Variants in RBM6 observed in about 807,000 individuals in gnomAD.
The protein encoded by RBM6 is RNA binding motif protein 6, also known as RNA-binding protein 6.
RBM6 carries 23 observed loss-of-function variants against 140.4 expected under a neutral mutation model. That is an observed-to-expected ratio of 0.16 (90% CI 0.12 to 0.23). The LOEUF (loss-of-function observed/expected upper bound fraction) is 0.23. Among genes scored for constraint, RBM6 ranks in the 10% least tolerant of loss-of-function variants. The pLI is 1.00. For missense variants in RBM6, 1,139 were observed against 1,386.7 expected (o/e 0.82, Z 2.84); for synonymous variants, 439 against 475.6 (o/e 0.92, Z 1.00).
At chr3:50,066,949 C>G (rs2090142441) in intron 17 of RBM6, among the ~76,000 whole-genome samples, 2 of 152,018 alleles carry the variant, frequency 1.3e-5, no homozygotes, top group Non-Finnish European at 2.9e-5. Context: ...CTTTGGGAGG[C>G]CAAGGCACCT....
In RBM6 at chr3:49,979,857, G is replaced by C. The variant is rs141786906; in HGVS notation, c.1483+4465G>C. On this transcript the variant is annotated intron_variant, in intron 5 of 20. Transcript: ENST00000266022. ...GGAAATAGTGGTGGCCAGGGTATTGGGGGAGGAGTTAACTATAAAGCGGAA... is the reference window on the plus strand; with the variant it reads ...GGAAATAGTGGTGGCCAGGGTATTGCGGGAGGAGTTAACTATAAAGCGGAA... 5.3e-3 allele frequency among the ~76,000 whole-genome samples: 800 copies of C among 152,242 alleles called. 4 individuals are homozygous for C. Among genetic ancestry groups the C allele is most frequent in the Middle Eastern group, 0.024 (7 of 294 alleles).
At chr3:49,984,058 A>G (rs1365620429) in intron 5 of RBM6, among the ~76,000 whole-genome samples, 1 of 152,144 alleles carries the variant, frequency 6.6e-6, no homozygotes, top group Non-Finnish European at 1.5e-5. Context: ...TTGGAACGCC[A>G]AGGCCAGTGG....
intron 6 of RBM6, among the ~76,000 whole-genome samples, chr3:50,017,990 A>G (rs2087258574): frequency 6.6e-6 from 1 of 152,134 alleles, no homozygotes; most frequent in Non-Finnish European, 1.5e-5. Flanking sequence ...AGCCTCCCCA[A>G]CTATCAGCAT....
At chr3:50,026,383 CTTT>C (rs750131367) in intron 6 of RBM6, among the ~76,000 whole-genome samples, 1 of 127,638 alleles carries the variant, frequency 7.8e-6, no homozygotes, top group African/African-American at 2.9e-5. Flanking sequence ...GTGCCCGGCC[CTTT>C]TTTTTTTTTT....
At chr3:49,954,667 G>A (rs1469903284) in intron 1 of RBM6, among the ~76,000 whole-genome samples, 1 of 152,008 alleles carries the variant, frequency 6.6e-6, no homozygotes, top group Non-Finnish European at 1.5e-5. Flanking sequence ...TAGCTTTGTG[G>A]TGAGTTTTGG....
At chr3:49,953,732 C>G (rs529226341) in intron 1 of RBM6, among the ~76,000 whole-genome samples, 1 of 151,654 alleles carries the variant, frequency 6.6e-6, no homozygotes, top group African/African-American at 2.4e-5. Context: ...GTTGGCCTAC[C>G]TGGTCTTGAA....
At chr3:49,940,793 C>T (rs533511504) in intron 1 of RBM6, 1 of 151,638 alleles carries the variant, frequency 6.6e-6, no homozygotes, top group South Asian at 2.1e-4. Flanking sequence ...GATGTTTTAT[C>T]GTATTCACGC....
At chr3:50,061,769 GA>G in intron 14 of RBM6, 192 bp from the exon 15 acceptor site, 1 of 1,303,400 alleles carries the variant, frequency 7.7e-7, no homozygotes, top group Non-Finnish European at 1.0e-6. Context: ...TGTTGCTCTT[GA>G]AAAAGTGGAC....
At chr3:50,003,790 G>T (rs986791284) in intron 6 of RBM6, among the ~76,000 whole-genome samples, 1 of 152,198 alleles carries the variant, frequency 6.6e-6, no homozygotes. Context: ...TTTCCAACAG[G>T]TATGAAGGTA....
chr3:50,000,676 C>T (rs1575654088), intron 6 of RBM6, among the ~76,000 whole-genome samples: 1 of 152,244 alleles, frequency 6.6e-6, no homozygotes, highest in East Asian at 1.9e-4. Flanking sequence ...GCCTCGGCCT[C>T]CCAAAGTCCT....
chr3:49,995,088 A>AT (rs1463685903), intron 5 of RBM6, among the ~76,000 whole-genome samples: 3 of 152,072 alleles, frequency 2.0e-5, no homozygotes, highest in Non-Finnish European at 4.4e-5. Context: ...ATTGAATACT[A>AT]TTTATCAGGG....
chr3:50,055,905 A>G (rs2108903173), intron 8 of RBM6, among the ~76,000 whole-genome samples: 1 of 152,338 alleles, frequency 6.6e-6, no homozygotes, highest in African/African-American at 2.4e-5. Flanking sequence ...GAAGAGTCAG[A>G]CACATGCATC....
chr3:49,994,944 A>G (rs1301509914), intron 5 of RBM6, among the ~76,000 whole-genome samples: 1 of 152,130 alleles, frequency 6.6e-6, no homozygotes, highest in Non-Finnish European at 1.5e-5. Flanking sequence ...TACCTAAACA[A>G]ATATTCCTTA....
At chr3:50,062,247 G>A in intron 15 of RBM6, 139 bp downstream of exon 15, 3 of 1,021,624 alleles carry the variant, frequency 2.9e-6, no homozygotes, top group South Asian at 1.8e-5. Flanking sequence ...GCTAACGCCT[G>A]TAATCCCAGC....
chr3:50,075,770 C>G (rs1489860960), intron 20 of RBM6, among the ~76,000 whole-genome samples: 2 of 152,028 alleles, frequency 1.3e-5, no homozygotes, highest in African/African-American at 4.8e-5. Context: ...TCAAGAGCCT[C>G]TAGAAAAGGT....
At chr3:49,995,651 C>T (rs762727441) in intron 5 of RBM6, among the ~76,000 whole-genome samples, 26 of 151,814 alleles carry the variant, frequency 1.7e-4, no homozygotes, top group African/African-American at 6.3e-4. Context: ...TATAAATAAG[C>T]ACAAAGACCC....
intron 19 of RBM6, among the ~76,000 whole-genome samples, chr3:50,074,312 C>G (rs965309978): frequency 7.3e-5 from 11 of 151,616 alleles, no homozygotes; most frequent in Admixed American, 7.2e-4. Context: ...GTTTTCGTTC[C>G]TTCTACTGCA....
intron 2 of RBM6, among the ~76,000 whole-genome samples, chr3:49,965,669 C>T: frequency 9.3e-6 from 1 of 108,022 alleles, no homozygotes; most frequent in Non-Finnish European, 1.9e-5. Flanking sequence ...GACTCCGTCT[C>T]AAAAAAAAAA....
In RBM6 at chr3:49,968,287, G is replaced by A; in HGVS notation, c.862G>A (p.Val288Met). 1 of 1,614,138 alleles carries A rather than the reference G, an allele frequency of 6.2e-7. No homozygotes were observed. The highest frequency in any genetic ancestry group is 8.5e-7 in the Non-Finnish European group (1 of 1,180,010). The change falls in exon 3 of 21, where the codon GTG becomes ATG. Residue 288 changes from valine to methionine, a missense_variant. Transcript: ENST00000266022. ...ATTTAAAGATAGGGAGATGCCCCCT[G>A]TGGATCCAAATATTTTGGATTACAT... ...MEFKDREMPP[V>M]DPNILDYIQP...
Sources: gnomAD v4.1 joint callset for allele counts (sites outside exome capture counted in the v4.1 genomes callset) on GRCh38, gnomAD v4.1.1 for gene constraint, MANE v1.5 for transcripts, NCBI Gene and HGNC (gene_info 2026-07-23, HGNC 2026-07-21) for gene names.